SNCAIP: variants seen among roughly 807,000 people sequenced by gnomAD.
SNCAIP encodes the protein synphilin-1.
In SNCAIP, 43 loss-of-function variants were observed where a neutral mutation model predicts 86.7. The observed-to-expected ratio is 0.50, with a 90% CI of 0.39 to 0.64. SNCAIP has a LOEUF of 0.64. Ranked by LOEUF, SNCAIP falls within the 30% of genes least tolerant of loss-of-function variation. The probability of loss-of-function intolerance (pLI) is 0.00; values close to 1 mark genes in which losing one functional copy is unlikely to be tolerated. For synonymous variants in SNCAIP, 417 were observed against 427.2 expected (o/e 0.98, Z 0.29); for missense variants, 981 against 1,103.1 (o/e 0.89, Z 1.57).
intron 3 of SNCAIP, among the ~76,000 whole-genome samples, chr5:122,419,581 A>G (rs1775972782): frequency 6.6e-6 from 1 of 152,184 alleles, no homozygotes; most frequent in South Asian, 2.1e-4. Flanking sequence ...ATGTAAAGCA[A>G]TTTTCTGGGT....
At chr5:122,361,814 C>T (rs1487689874) in intron 1 of SNCAIP, among the ~76,000 whole-genome samples, 1 of 152,136 alleles carries the variant, frequency 6.6e-6, no homozygotes, top group Non-Finnish European at 1.5e-5. Flanking sequence ...ATCATCAGTT[C>T]CTAATGACAA....
chr5:122,429,829 G>A (rs1256197180), intron 5 of SNCAIP, among the ~76,000 whole-genome samples: 1 of 152,140 alleles, frequency 6.6e-6, no homozygotes, highest in Non-Finnish European at 1.5e-5. Flanking sequence ...GCTGGGAAAG[G>A]GAAAGGAGTG....
chr5:122,326,816 T>C (rs1265541140), intron 1 of SNCAIP, among the ~76,000 whole-genome samples: 1 of 151,850 alleles, frequency 6.6e-6, no homozygotes, highest in African/African-American at 2.4e-5. Context: ...AACATTTGGG[T>C]CTCCCTCTCA....
rs1783586978 is a variant in SNCAIP at position 122,450,990 on chromosome 5, GA to G, written c.2146del (p.Ser716AlafsTer4). 1.2e-6 allele frequency: 2 copies of G among 1,614,032 alleles called. No homozygotes were observed. The highest frequency in any genetic ancestry group is 2.2e-5 in the South Asian group (2 of 91,072). On this transcript the variant is annotated frameshift_variant, in exon 10 of 11. Coordinates refer to ENST00000261368, the MANE Select transcript of SNCAIP (RefSeq NM_005460.4). LOFTEE classifies it high-confidence loss of function. ...AAGCGTAGAGAGTATGGACAGCGCAGAAAGCCTGCACCTGATGATTAAGAAA... is the reference window on the plus strand; with the variant it reads ...AAGCGTAGAGAGTATGGACAGCGCAGAAGCCTGCACCTGATGATTAAGAAA... ...VESVESMDSA[E>X]SLHLMIKKHT... is the part of the protein sequence containing the mutation.
intron 1 of SNCAIP, among the ~76,000 whole-genome samples, chr5:122,357,069 T>C (rs1761162628): frequency 6.6e-6 from 1 of 152,208 alleles, no homozygotes; most frequent in Admixed American, 6.5e-5. Flanking sequence ...CGCAGTCTCC[T>C]GTCTGCTGGC....
At chr5:122,358,519 G>A (rs1257761090) in intron 1 of SNCAIP, among the ~76,000 whole-genome samples, 1 of 151,688 alleles carries the variant, frequency 6.6e-6, no homozygotes, top group East Asian at 1.9e-4. Context: ...CTGACTTCCG[G>A]GAGAAAGGCA....
At chr5:122,382,686 G>A (rs1230110734) in intron 1 of SNCAIP, among the ~76,000 whole-genome samples, 1 of 151,980 alleles carries the variant, frequency 6.6e-6, no homozygotes, top group East Asian at 1.9e-4. Context: ...ATCTACTTTT[G>A]GTCTTTGATG....
chr5:122,344,825 C>T (rs1346677298), intron 1 of SNCAIP, among the ~76,000 whole-genome samples: 2 of 151,972 alleles, frequency 1.3e-5, no homozygotes, highest in African/African-American at 2.4e-5. Flanking sequence ...TTTTCAGCTC[C>T]CCAAATTTAA....
chr5:122,392,109 T>C (rs1184190451), intron 2 of SNCAIP, among the ~76,000 whole-genome samples: 5 of 152,218 alleles, frequency 3.3e-5, no homozygotes, highest in African/African-American at 1.2e-4. Flanking sequence ...ATGATGAACT[T>C]ACTTTATCAT....
intron 1 of SNCAIP, among the ~76,000 whole-genome samples, chr5:122,325,199 T>G (rs865775579): frequency 1.1e-4 from 16 of 152,194 alleles, no homozygotes; most frequent in African/African-American, 3.4e-4. Flanking sequence ...CTCCACCTGC[T>G]CTGTGTGATA....
intron 1 of SNCAIP, among the ~76,000 whole-genome samples, chr5:122,359,054 AT>A (rs1761682411): frequency 6.8e-6 from 1 of 146,590 alleles, no homozygotes; most frequent in African/African-American, 2.5e-5. Context: ...TTTATACTTT[AT>A]ATAAGGTTTT....
chr5:122,439,341 A>T (rs1581262482), intron 6 of SNCAIP, among the ~76,000 whole-genome samples: 1 of 152,018 alleles, frequency 6.6e-6, no homozygotes, highest in Non-Finnish European at 1.5e-5. Flanking sequence ...TGCAGTTAAC[A>T]CTCACCCTGC....
chr5:122,440,423 C>G, intron 6 of SNCAIP: 1 of 572,542 alleles, frequency 1.7e-6, no homozygotes. Flanking sequence ...GCTTCCTGCT[C>G]TTAAAATTCT....
At chr5:122,401,126 G>A (rs562324777) in intron 2 of SNCAIP, 36 of 1,549,224 alleles carry the variant, frequency 2.3e-5, no homozygotes, top group Middle Eastern at 1.7e-4. Context: ...CTGAGAATGA[G>A]GTATGTTGGC....
At chr5:122,404,316 A>G (rs1308599610) in intron 3 of SNCAIP, among the ~76,000 whole-genome samples, 1 of 152,242 alleles carries the variant, frequency 6.6e-6, no homozygotes, top group South Asian at 2.1e-4. Flanking sequence ...TAGAATCTGC[A>G]ATAAGGCATA....
chr5:122,391,350 G>C (rs984098308), intron 2 of SNCAIP, among the ~76,000 whole-genome samples, 159 bp downstream of exon 2: 8 of 152,150 alleles, frequency 5.3e-5, no homozygotes, highest in Non-Finnish European at 1.2e-4. Flanking sequence ...GGTTTGGGGG[G>C]ATCTCTTAGA....
In SNCAIP at chr5:122,377,874, A is replaced by C. The variant is rs527697052; in HGVS notation, c.-46-13215A>C. Among the ~76,000 whole-genome samples, 836 of 151,608 alleles carry C rather than the reference A, an allele frequency of 5.5e-3. 11 individuals carry two copies. The highest frequency in any genetic ancestry group is 0.02 in the African/African-American group (807 of 41,296). ...TCCCTACAAAGGACATGAACTCATCATTTTTTATGGCTGCATAGTATTCCA... is the reference window on the plus strand; with the variant it reads ...TCCCTACAAAGGACATGAACTCATCCTTTTTTATGGCTGCATAGTATTCCA... On this transcript the variant is annotated intron_variant, in intron 1 of 10. Coordinates refer to ENST00000261368, the MANE Select transcript of SNCAIP (RefSeq NM_005460.4).
chr5:122,423,121 C>T lies in SNCAIP; in HGVS notation c.384C>T (p.Gly128=). 7 of 1,614,122 alleles carry T rather than the reference C, an allele frequency of 4.3e-6. No individual in the cohort carries two copies. Among genetic ancestry groups the T allele is most frequent in the Non-Finnish European group, 5.9e-6 (7 of 1,180,022 alleles). The change falls in exon 4 of 11, where the codon GGC becomes GGT. Residue 128 remains glycine, a synonymous_variant. Coordinates refer to ENST00000261368, the MANE Select transcript of SNCAIP (RefSeq NM_005460.4). ...QELGPGDGVG[G]PPGKSSEPST... is the part of the protein sequence containing the mutation. Reference sequence around the variant, plus strand: ...TTGGCCCTGGAGATGGAGTGGGCGGCCCACCAGGTAAGAGCTCTGAGCCCA... The same window carrying T: ...TTGGCCCTGGAGATGGAGTGGGCGGTCCACCAGGTAAGAGCTCTGAGCCCA...
chr5:122,450,626 G>A lies in SNCAIP; in HGVS notation c.1779G>A (p.Glu593=). ...SVAKSKPGVQ[E]GIQVLGSLSA... is the part of the protein sequence containing the mutation. ...CCAAAAGCAAGCCAGGAGTCCAAGA[G>A]GGGATTCAGGTTCTTGGAAGCCTGT... The change falls in exon 10 of 11, where the codon GAG becomes GAA. Residue 593 remains glutamate (E), a synonymous_variant. Transcript: ENST00000261368. 7 of 1,613,844 alleles carry A rather than the reference G, an allele frequency of 4.3e-6. No homozygotes were observed. Among genetic ancestry groups the A allele is most frequent in the Non-Finnish European group, 5.9e-6 (7 of 1,179,736 alleles).
Sources: allele counts gnomAD v4.1 joint callset (sites outside exome capture counted in the v4.1 genomes callset), GRCh38; gene constraint gnomAD v4.1.1; transcripts MANE v1.5; gene names NCBI Gene and HGNC (gene_info 2026-07-23, HGNC 2026-07-21).